RGS8: variants seen among roughly 807,000 people sequenced by gnomAD.
The protein encoded by RGS8 is regulator of G protein signaling 8.
In RGS8, 8 loss-of-function variants were observed where a neutral mutation model predicts 21.7. The observed-to-expected ratio is 0.37, with a 90% CI of 0.22 to 0.66. The LOEUF (loss-of-function observed/expected upper bound fraction) is 0.66, where lower values mean the gene tolerates loss of function less well. Ranked by LOEUF, RGS8 falls within the 30% of genes least tolerant of loss-of-function variation. The pLI, the probability that RGS8 is intolerant of heterozygous loss-of-function variation, is 0.59. For synonymous variants in RGS8, 80 were observed against 83.6 expected (o/e 0.96, Z 0.24); for missense variants, 157 against 217.9 (o/e 0.72, Z 1.76).
At chr1:182,707,052 G>A in the RGS8 span, among the ~76,000 whole-genome samples, 9 of 151,946 alleles carry the variant, frequency 5.9e-5, no homozygotes, top group East Asian at 1.9e-4. Flanking sequence ...CCAGCTACTC[G>A]GGAGGCTGAG....
the RGS8 span, among the ~76,000 whole-genome samples, chr1:182,729,208 A>G: frequency 2.0e-5 from 3 of 152,246 alleles, no homozygotes; most frequent in Non-Finnish European, 4.4e-5. Flanking sequence ...AATGGATGGT[A>G]AAAATGCTGG....
At chr1:182,704,827 C>G in the RGS8 span, among the ~76,000 whole-genome samples, 2 of 152,158 alleles carry the variant, frequency 1.3e-5, no homozygotes, top group Non-Finnish European at 2.9e-5. Flanking sequence ...ACACCTCCAG[C>G]CAGGCTTACC....
chr1:182,735,443 A>T, the RGS8 span, among the ~76,000 whole-genome samples: 1 of 152,234 alleles, frequency 6.6e-6, no homozygotes, highest in Non-Finnish European at 1.5e-5. Context: ...GAATTTGAAG[A>T]CCAATGCTTT....
intron 2 of RGS8, 77 bp downstream of exon 3, chr1:182,671,580 T>G (rs1664158690): frequency 1.5e-6 from 2 of 1,293,118 alleles, no homozygotes; most frequent in Admixed American, 3.5e-5. Context: ...AAGAGGCAAG[T>G]TAATTAAATA....
chr1:182,671,574 G>T, intron 2 of RGS8, 83 bp downstream of exon 3: 1 of 1,207,696 alleles, frequency 8.3e-7, no homozygotes, highest in Non-Finnish European at 1.2e-6. Context: ...TGCATGAAGA[G>T]GCAAGTTAAT....
chr1:182,691,325 C>G, the RGS8 span, among the ~76,000 whole-genome samples: 1 of 152,114 alleles, frequency 6.6e-6, no homozygotes, highest in Non-Finnish European at 1.5e-5. Flanking sequence ...TTACCCCTCC[C>G]AACTTCATTT....
At chr1:182,704,700 AT>A in the RGS8 span, among the ~76,000 whole-genome samples, 3 of 152,162 alleles carry the variant, frequency 2.0e-5, no homozygotes, top group Admixed American at 2.0e-4. Context: ...CTGGGTGTGA[AT>A]TGCAGACCCA....
At chr1:182,691,607 TAAAAAA>T in the RGS8 span, among the ~76,000 whole-genome samples, 6 of 27,226 alleles carry the variant, frequency 2.2e-4, no homozygotes, top group African/African-American at 6.9e-4. Flanking sequence ...CCCTTCATGT[TAAAAAA>T]AAAAAAAAAA....
the RGS8 span, among the ~76,000 whole-genome samples, chr1:182,739,698 C>T: frequency 6.6e-6 from 1 of 152,052 alleles, no homozygotes; most frequent in South Asian, 2.1e-4. Flanking sequence ...GTTTCCATTC[C>T]TCTTGGCCTT....
chr1:182,712,371 C>T, the RGS8 span, among the ~76,000 whole-genome samples: 1 of 152,202 alleles, frequency 6.6e-6, no homozygotes, highest in African/African-American at 2.4e-5. Flanking sequence ...ATACAGAGCC[C>T]AGACCCTGCC....
In RGS8 at chr1:182,666,051, T is replaced by C. The variant is rs781288877; in HGVS notation, c.129-18A>G. Reference sequence around the variant, plus strand: ...ATAATCTCCTAGAAAAAAAGAAACATCTGTCTTGAATGTTTCTGAAATAAC... The same window carrying C: ...ATAATCTCCTAGAAAAAAAGAAACACCTGTCTTGAATGTTTCTGAAATAAC... On this transcript the variant is annotated intron_variant, in intron 4 of 6. Coordinates refer to ENST00000483095, the Ensembl canonical transcript of RGS8. 6 of 1,610,888 alleles carry C rather than the reference T, an allele frequency of 3.7e-6. No individual in the cohort carries two copies. Among genetic ancestry groups the C allele is most frequent in the Admixed American group, 3.3e-5 (2 of 59,982 alleles).
At chr1:182,721,017 ACATATATATGTGTG>A in the RGS8 span, among the ~76,000 whole-genome samples, 787 of 88,676 alleles carry the variant, frequency 8.9e-3, 14 homozygotes, top group African/African-American at 0.018. Context: ...ACATATATAC[ACATATATATGTGTG>A]TATATATACA....
chr1:182,739,978 C>T, the RGS8 span, among the ~76,000 whole-genome samples: 1 of 152,182 alleles, frequency 6.6e-6, no homozygotes, highest in Non-Finnish European at 1.5e-5. Context: ...CACCCAACCC[C>T]CAACCCCCAA....
chr1:182,692,429 T>G, the RGS8 span, among the ~76,000 whole-genome samples: 1 of 151,816 alleles, frequency 6.6e-6, no homozygotes, highest in Non-Finnish European at 1.5e-5. Context: ...AGGTGAAAGA[T>G]CTCTACAATA....
Position 182,666,043 on chromosome 1 carries a change from A to C in RGS8, c.129-10T>G, listed in dbSNP as rs1488859236. ...TTCTGTCGATAATCTCCTAGAAAAA[A>C]AGAAACATCTGTCTTGAATGTTTCT... On this transcript the variant is annotated splice_polypyrimidine_tract_variant and intron_variant, in intron 4 of 6. Coordinates refer to ENST00000483095, the Ensembl canonical transcript of RGS8. The C allele has an allele frequency of 6.2e-7, 1 of 1,612,450 alleles. No homozygotes were observed. Among genetic ancestry groups the C allele is most frequent in the Admixed American group, 1.7e-5 (1 of 59,988 alleles).
At position 182,659,135 on chromosome 1, in the gene RGS8, G is replaced by A. The variant is rs567394889; in HGVS notation, c.193+6834C>T. ...ACCCTACACTGGACACAAAAATGGTGAGCTCTGAGGTTGCATGGCTTCTTA... is the reference window on the plus strand; with the variant it reads ...ACCCTACACTGGACACAAAAATGGTAAGCTCTGAGGTTGCATGGCTTCTTA... On this transcript the variant is annotated intron_variant, in intron 5 of 6. Coordinates refer to ENST00000483095, the Ensembl canonical transcript of RGS8. Among the ~76,000 whole-genome samples the A allele has an allele frequency of 7.2e-5, 11 of 152,344 alleles. No homozygotes were observed. The South Asian group carries it at 2.3e-3, about 32-fold the overall frequency.
the RGS8 span, among the ~76,000 whole-genome samples, chr1:182,733,298 G>A: frequency 9.8e-5 from 15 of 152,308 alleles, no homozygotes; most frequent in East Asian, 7.7e-4. Context: ...ATGATATGCC[G>A]TGCTCAATAT....
chr1:182,740,104 A>G, the RGS8 span, among the ~76,000 whole-genome samples: 3 of 152,162 alleles, frequency 2.0e-5, no homozygotes, highest in African/African-American at 4.8e-5. Context: ...CTTAATTCCA[A>G]TGCAGAATGC....
the RGS8 span, among the ~76,000 whole-genome samples, chr1:182,719,328 T>C: frequency 2.8e-5 from 4 of 144,588 alleles, no homozygotes; most frequent in Non-Finnish European, 6.0e-5. Flanking sequence ...AAGTATCCTT[T>C]ACAAATGATA....
Sources: allele counts gnomAD v4.1 joint callset (sites outside exome capture counted in the v4.1 genomes callset), GRCh38; gene constraint gnomAD v4.1.1; transcripts MANE v1.5; gene names NCBI Gene and HGNC (gene_info 2026-07-23, HGNC 2026-07-21).